IGF1R: variants seen among roughly 807,000 people sequenced by gnomAD.
The protein encoded by IGF1R is insulin-like growth factor 1 receptor.
A neutral mutation model predicts 144.6 loss-of-function variants in IGF1R; 44 were observed. The ratio of observed to expected loss-of-function variants is 0.30; its 90% confidence interval spans 0.24 to 0.39. The LOEUF (loss-of-function observed/expected upper bound fraction) is 0.39. IGF1R is among the 10% of genes least tolerant of loss of function. IGF1R has a pLI of 1.00. For missense variants in IGF1R, 1,355 were observed against 1,833.7 expected, an observed-to-expected ratio of 0.74 and a Z score of 4.77; for synonymous variants, 795 against 722.8, an observed-to-expected ratio of 1.10 and a Z score of -1.60.
At chr15:98,683,652 T>C (rs1366924972) in intron 1 of IGF1R, among the ~76,000 whole-genome samples, 1 of 152,238 alleles carries the variant, frequency 6.6e-6, no homozygotes, top group Admixed American at 6.5e-5. Flanking sequence ...TATCCTCTTA[T>C]ATAAGTGCAT....
At chr15:98,667,361 A>G (rs2052769170) in intron 1 of IGF1R, among the ~76,000 whole-genome samples, 1 of 151,984 alleles carries the variant, frequency 6.6e-6, no homozygotes, top group Non-Finnish European at 1.5e-5. Flanking sequence ...TTTATTGTAA[A>G]TGGACTGCCT....
chr15:98,688,247 T>C (rs1025337947), intron 1 of IGF1R, among the ~76,000 whole-genome samples: 1 of 151,952 alleles, frequency 6.6e-6, no homozygotes, highest in Admixed American at 6.6e-5. Context: ...AGTATAGTTC[T>C]CCCACCACCC....
intron 1 of IGF1R, among the ~76,000 whole-genome samples, chr15:98,700,464 G>C (rs1258426585): frequency 6.6e-6 from 1 of 152,120 alleles, no homozygotes; most frequent in Non-Finnish European, 1.5e-5. Flanking sequence ...GGTCTCACAG[G>C]GTGGTGCTTA....
At chr15:98,883,287 T>G (rs1459660592) in intron 2 of IGF1R, among the ~76,000 whole-genome samples, 1 of 152,248 alleles carries the variant, frequency 6.6e-6, no homozygotes, top group Non-Finnish European at 1.5e-5. Context: ...CTGGAATCTC[T>G]AGGCAGTGGC....
chr15:98,778,241 T>C (rs915860774), intron 2 of IGF1R, among the ~76,000 whole-genome samples: 15 of 152,172 alleles, frequency 9.9e-5, no homozygotes, highest in Non-Finnish European at 1.9e-4. Flanking sequence ...TGGTGACTGG[T>C]TATCTTAGTC....
At chr15:98,849,111 AGAGCAAG>A (rs1400631860) in intron 2 of IGF1R, among the ~76,000 whole-genome samples, 2 of 152,256 alleles carry the variant, frequency 1.3e-5, no homozygotes, top group Non-Finnish European at 2.9e-5. Context: ...AAACTGAACA[AGAGCAAG>A]GAGTCCTTAC....
intron 2 of IGF1R, among the ~76,000 whole-genome samples, chr15:98,809,219 T>TG: frequency 6.6e-6 from 1 of 152,322 alleles, no homozygotes; most frequent in Non-Finnish European, 1.5e-5. Context: ...AGGTAGCCTA[T>TG]GGGTGGCACA....
chr15:98,785,832 A>G (rs773154787), intron 2 of IGF1R, among the ~76,000 whole-genome samples: 6 of 152,190 alleles, frequency 3.9e-5, no homozygotes, highest in East Asian at 1.9e-4. Flanking sequence ...AGGTGCCCCA[A>G]TAAAGCATCT....
intron 2 of IGF1R, among the ~76,000 whole-genome samples, chr15:98,888,424 T>TGAGAGA (rs773656677): frequency 6.0e-4 from 87 of 144,876 alleles, no homozygotes; most frequent in East Asian, 2.3e-3. Flanking sequence ...GGGGGTTTGA[T>TGAGAGA]GAGAGAGAGA....
At chr15:98,887,639 C>T (rs548103993) in intron 2 of IGF1R, among the ~76,000 whole-genome samples, 1 of 152,336 alleles carries the variant, frequency 6.6e-6, no homozygotes, top group South Asian at 2.1e-4. Flanking sequence ...AGCCTCGGTG[C>T]TCCAAGATGG....
rs377218676 is a variant in IGF1R at position 98,869,550 on chromosome 15, C to G, written c.641-21775C>G. Among the ~76,000 whole-genome samples the G allele has an allele frequency of 4.2e-3, 632 of 152,202 alleles. 7 individuals are homozygous for G. The highest frequency in any genetic ancestry group is 0.029 in the South Asian group (139 of 4,824). ...TCTCGGGTTCAAGCGATTCTCCTGC[C>G]TCAGCCTCCCGAGTAGCTGGGATTA... On this transcript the variant is annotated intron_variant, in intron 2 of 20. Coordinates refer to ENST00000650285, the MANE Select transcript of IGF1R (RefSeq NM_000875.5).
chr15:98,656,535 C>G (rs970307902), intron 1 of IGF1R, among the ~76,000 whole-genome samples: 1 of 151,988 alleles, frequency 6.6e-6, no homozygotes, highest in South Asian at 2.1e-4. Context: ...GGTGACAGAG[C>G]GAGACTCCAT....
At chr15:98,876,226 A>T (rs564948608) in intron 2 of IGF1R, among the ~76,000 whole-genome samples, 1 of 152,222 alleles carries the variant, frequency 6.6e-6, no homozygotes, top group East Asian at 1.9e-4. Flanking sequence ...TTCACTCTTC[A>T]ACTAGGATTT....
chr15:98,723,162 CTT>C (rs1163083898), intron 2 of IGF1R, among the ~76,000 whole-genome samples: 1 of 152,000 alleles, frequency 6.6e-6, no homozygotes, highest in African/African-American at 2.4e-5. Context: ...AGTTCCCTCT[CTT>C]TTTATTCCAC....
Position 98,963,882 on chromosome 15 carries a change from A to T in IGF1R, c.*6440A>T. On this transcript the variant is annotated 3_prime_UTR_variant, in exon 21 of 21. Transcript: ENST00000650285. Reference sequence around the variant, plus strand: ...CTCTAACTCCAGTGGATTGTTGGCCATGTCTCCCCAACTCCACAATATCTC... The same window carrying T: ...CTCTAACTCCAGTGGATTGTTGGCCTTGTCTCCCCAACTCCACAATATCTC... The T allele has an allele frequency of 4.3e-6, 1 of 233,250 alleles. No homozygotes were observed. The highest frequency in any genetic ancestry group is 8.5e-6 in the Non-Finnish European group (1 of 118,002). The allele number at this position is 233,250 out of a possible 1,614,324, so 14.4% of individuals were successfully genotyped here. A position where few individuals can be genotyped will look rare whatever the true frequency, so the allele number is the denominator to read the frequency against.
At chr15:98,879,038 A>G (rs942176377) in intron 2 of IGF1R, among the ~76,000 whole-genome samples, 5 of 152,026 alleles carry the variant, frequency 3.3e-5, no homozygotes, top group African/African-American at 1.2e-4. Flanking sequence ...TGAGAGCGAC[A>G]CTGTGTGTCC....
At chr15:98,754,648 G>A (rs769665941) in intron 2 of IGF1R, among the ~76,000 whole-genome samples, 2 of 152,202 alleles carry the variant, frequency 1.3e-5, no homozygotes, top group Non-Finnish European at 2.9e-5. Context: ...GAAACCACAG[G>A]GAGGGAAGTT....
chr15:98,738,999 CAA>C (rs1567103638), intron 2 of IGF1R, among the ~76,000 whole-genome samples: 1 of 151,516 alleles, frequency 6.6e-6, no homozygotes, highest in African/African-American at 2.4e-5. Flanking sequence ...GAACAAAACT[CAA>C]GAGGTCTGAG....
chr15:98,889,103 C>T (rs763651088), intron 2 of IGF1R, among the ~76,000 whole-genome samples: 18 of 152,178 alleles, frequency 1.2e-4, no homozygotes, highest in Admixed American at 6.5e-5. Context: ...ACAAGGAAGG[C>T]TGGGAGATGT....
Sources: gnomAD v4.1 joint callset for allele counts (sites outside exome capture counted in the v4.1 genomes callset) on GRCh38, gnomAD v4.1.1 for gene constraint, MANE v1.5 for transcripts, NCBI Gene and HGNC (gene_info 2026-07-23, HGNC 2026-07-21) for gene names.